The following NDST3 variants were observed in gnomAD, a reference collection of about 807,000 sequenced individuals.
NDST3 encodes N-deacetylase and N-sulfotransferase 3.
In NDST3, 58 loss-of-function variants were observed where a neutral mutation model predicts 96.1. The ratio of observed to expected loss-of-function variants is 0.60; its 90% CI spans 0.49 to 0.75. The LOEUF is 0.75. Among genes scored for constraint, NDST3 ranks in the 30% least tolerant of loss-of-function variants. NDST3 has a pLI of 0.00. For synonymous variants in NDST3, 333 were observed against 359.7 expected (o/e 0.93, Z 0.84); for missense variants, 788 against 1,034.2 (o/e 0.76, Z 3.27).
At chr4:118,187,333 A>C (rs1737028457) in intron 6 of NDST3, among the ~76,000 whole-genome samples, 1 of 152,228 alleles carries the variant, frequency 6.6e-6, no homozygotes, top group Non-Finnish European at 1.5e-5. Context: ...GCCTATCATG[A>C]GGGATAAATT....
intron 3 of NDST3, among the ~76,000 whole-genome samples, chr4:118,110,777 C>T (rs1174350630): frequency 6.6e-6 from 1 of 152,004 alleles, no homozygotes; most frequent in Non-Finnish European, 1.5e-5. Context: ...TAAAACAGAA[C>T]TAATATTCAA....
At chr4:118,216,500 T>C (rs2125989744) in intron 6 of NDST3, among the ~76,000 whole-genome samples, 1 of 152,270 alleles carries the variant, frequency 6.6e-6, no homozygotes, top group South Asian at 2.1e-4. Flanking sequence ...TATTATTATA[T>C]CCTTTTTGTT....
rs181320801 is a variant in NDST3, at chr4:118,056,700, G to C, written c.981+1809G>C. On this transcript the variant is annotated intron_variant, in intron 2 of 13. Transcript: ENST00000296499. ...AACTGTAGTCCATTCCAGAGAAGAG[G>C]GGCAGGGGAGAGTAGAGTCATAGGA... Among the ~76,000 whole-genome samples the C allele has an allele frequency of 2.7e-3, 403 of 152,020 alleles. 2 individuals are homozygous for C. Among genetic ancestry groups the C allele is most frequent in the South Asian group, 8.5e-3 (41 of 4,824 alleles).
chr4:118,205,832 C>CTTT (rs56843725), intron 6 of NDST3, among the ~76,000 whole-genome samples: 2 of 95,470 alleles, frequency 2.1e-5, no homozygotes, highest in African/African-American at 3.2e-5. Flanking sequence ...ATCGGGCTTT[C>CTTT]TTTTTTTTTT....
intron 4 of NDST3, among the ~76,000 whole-genome samples, chr4:118,119,424 T>C (rs1731370061): frequency 6.6e-6 from 1 of 152,202 alleles, no homozygotes; most frequent in African/African-American, 2.4e-5. Flanking sequence ...TAAAAAGGCA[T>C]ATGAGATTTT....
chr4:118,131,965 C>A (rs185520962), intron 4 of NDST3, among the ~76,000 whole-genome samples: 2 of 152,192 alleles, frequency 1.3e-5, no homozygotes, highest in African/African-American at 4.8e-5. Context: ...GATGCAAACA[C>A]CCCTATGGCC....
intron 6 of NDST3, among the ~76,000 whole-genome samples, chr4:118,145,905 C>A (rs1733906107): frequency 1.3e-5 from 2 of 152,194 alleles, no homozygotes; most frequent in South Asian, 2.1e-4. Context: ...ATACTGGAAG[C>A]AATTCTACTC....
chr4:118,218,446 T>C (rs1258400264), intron 6 of NDST3, among the ~76,000 whole-genome samples: 3 of 152,152 alleles, frequency 2.0e-5, no homozygotes, highest in Non-Finnish European at 4.4e-5. Context: ...AAAAACCACA[T>C]GATTATCTCA....
intron 6 of NDST3, among the ~76,000 whole-genome samples, chr4:118,196,447 C>T (rs1737693706): frequency 6.6e-6 from 1 of 152,028 alleles, no homozygotes; most frequent in Admixed American, 6.6e-5. Flanking sequence ...AAATGTTTAG[C>T]ATAATTCAGT....
intron 6 of NDST3, among the ~76,000 whole-genome samples, chr4:118,168,332 C>T (rs1735692366): frequency 6.6e-6 from 1 of 151,940 alleles, no homozygotes; most frequent in Non-Finnish European, 1.5e-5. Context: ...TAGGTCAATG[C>T]TCCTGATGAA....
intron 6 of NDST3, among the ~76,000 whole-genome samples, chr4:118,211,602 G>A (rs999599337): frequency 3.9e-5 from 6 of 152,152 alleles, no homozygotes; most frequent in East Asian, 3.9e-4. Context: ...TGTTTTCATC[G>A]CATTAGGGGC....
At chr4:118,201,095 T>C (rs1048066995) in intron 6 of NDST3, among the ~76,000 whole-genome samples, 1 of 152,252 alleles carries the variant, frequency 6.6e-6, no homozygotes, top group Admixed American at 6.5e-5. Flanking sequence ...GCTCCATCCA[T>C]GTTGCTGCAA....
chr4:118,114,447 T>G lies in NDST3; in HGVS notation c.1070-359T>G, dbSNP rs998134881. On this transcript the variant is annotated intron_variant, in intron 3 of 13. Coordinates refer to ENST00000296499, the MANE Select transcript of NDST3 (RefSeq NM_004784.3). ...TGAGGCTGTGACACATATTCCTTGC[T>G]CATATTTCCTAAATTACATTTCCTA... Among the ~76,000 whole-genome samples the G allele has an allele frequency of 6.6e-5, 10 of 152,202 alleles. 1 individual carries two copies. In the South Asian group the frequency reaches 1.4e-3, roughly 22 times the overall value.
intron 6 of NDST3, among the ~76,000 whole-genome samples, chr4:118,155,933 T>C (rs1734683802): frequency 1.3e-5 from 2 of 152,240 alleles, no homozygotes; most frequent in Non-Finnish European, 2.9e-5. Context: ...AATATTATGT[T>C]ATTCTTTGTT....
chr4:118,053,647 C>A lies in NDST3; in HGVS notation c.-155-109C>A, dbSNP rs1049055630. On this transcript the variant is annotated intron_variant, in intron 1 of 13. Coordinates refer to ENST00000296499, the MANE Select transcript of NDST3 (RefSeq NM_004784.3). ...AAGGGAGGGCTTCGAATTTACTATA[C>A]ACCAGTTCATCTGCCAAGTACTCTG... is the stretch of plus-strand genomic sequence containing the variant. The A allele has an allele frequency of 2.9e-4, 95 of 328,724 alleles. 1 individual carries two copies. Among genetic ancestry groups the A allele is most frequent in the Non-Finnish European group, 2.8e-4 (51 of 179,714 alleles). 20.4% of individuals were successfully genotyped at this position (328,724 alleles called of 1,614,324 possible).
In NDST3 at chr4:118,111,321, T is replaced by C. The variant is rs547796625; in HGVS notation, c.1070-3485T>C. 5.9e-5 allele frequency among the ~76,000 whole-genome samples: 9 copies of C among 152,124 alleles called. No homozygotes were observed. In the South Asian group the frequency reaches 1.9e-3, roughly 32 times the overall value. On this transcript the variant is annotated intron_variant, in intron 3 of 13. Transcript: ENST00000296499. ...GTCCCCCCGAATCTAAAATAAAAGTTGAAAATAAAATAAAATACATACAAT... is the reference window on the plus strand; with the variant it reads ...GTCCCCCCGAATCTAAAATAAAAGTCGAAAATAAAATAAAATACATACAAT...
intron 7 of NDST3, among the ~76,000 whole-genome samples, chr4:118,225,872 T>A (rs773546301): frequency 2.6e-5 from 4 of 152,214 alleles, no homozygotes; most frequent in Non-Finnish European, 5.9e-5. Context: ...CTTTTCATTT[T>A]AACCACCACG....
intron 6 of NDST3, among the ~76,000 whole-genome samples, chr4:118,212,458 T>C (rs1738865889): frequency 1.3e-5 from 2 of 152,162 alleles, no homozygotes; most frequent in Admixed American, 6.5e-5. Flanking sequence ...ATTGGTAAAT[T>C]GAGCCCAGGA....
In NDST3 at chr4:118,054,520, G is replaced by T. The variant is rs370994759; in HGVS notation, c.610G>T (p.Val204Leu). Reference protein sequence around the residue: ...CINPHSPLIRVTKSSKLEKGS... With the variant: ...CINPHSPLIRLTKSSKLEKGS... ...TAATCCTCATTCTCCATTGATTCGT[G>T]TGACCAAATCTTCCAAGCTTGAAAA... is the stretch of plus-strand genomic sequence containing the variant. Residue 204 changes from valine (V) to leucine (L), a missense_variant, in exon 2 of 14, where the codon GTG (valine) becomes TTG (leucine). This residue lies in a region of NDST3 where 234 missense variants were observed against 256.9 expected (regional missense o/e 0.91). Coordinates refer to ENST00000296499, the MANE Select transcript of NDST3 (RefSeq NM_004784.3). 9.3e-6 allele frequency: 15 copies of T among 1,613,122 alleles called. No individual in the cohort carries two copies. The highest frequency in any genetic ancestry group is 1.3e-5 in the Non-Finnish European group (15 of 1,179,482).
Sources: gnomAD v4.1 joint callset for allele counts (sites outside exome capture counted in the v4.1 genomes callset) on GRCh38, gnomAD v4.1.1 for gene constraint, gnomAD v4.1.1 regional missense constraint, MANE v1.5 for transcripts, NCBI Gene and HGNC (gene_info 2026-07-23, HGNC 2026-07-21) for gene names.